Variants in UBE4B observed in about 807,000 individuals in gnomAD.
UBE4B encodes the protein ubiquitin conjugation factor E4 B.
UBE4B carries 27 observed loss-of-function variants against 148.1 expected under a neutral mutation model. The ratio of observed to expected loss-of-function variants is 0.18; its 90% CI spans 0.13 to 0.25. The LOEUF is 0.25. UBE4B is among the 10% of genes least tolerant of loss of function. The probability of loss-of-function intolerance (pLI) is 1.00; values close to 1 mark genes in which losing one functional copy is unlikely to be tolerated. For missense variants in UBE4B, 1,170 were observed against 1,662.4 expected, an observed-to-expected ratio of 0.70 and a Z score of 5.15; for synonymous variants, 596 against 619.3, an observed-to-expected ratio of 0.96 and a Z score of 0.56.
At chr1:10,167,320 T>G (rs1215119172) in intron 23 of UBE4B, among the ~76,000 whole-genome samples, 3 of 150,890 alleles carry the variant, frequency 2.0e-5, no homozygotes, top group Non-Finnish European at 4.4e-5. Flanking sequence ...ATGCCTGTAG[T>G]CCCAGCTACT....
At chr1:10,111,482 T>A (rs1432472740) in intron 7 of UBE4B, among the ~76,000 whole-genome samples, 1 of 152,080 alleles carries the variant, frequency 6.6e-6, no homozygotes, top group Non-Finnish European at 1.5e-5. Flanking sequence ...CCTCATTGTC[T>A]CAAACATTAT....
intron 1 of UBE4B, among the ~76,000 whole-genome samples, chr1:10,056,675 A>ATC (rs1644175798): frequency 6.6e-6 from 1 of 152,198 alleles, no homozygotes; most frequent in Non-Finnish European, 1.5e-5. Context: ...CAGAGAGATA[A>ATC]CCCAGCTGGA....
rs576704285 is a variant in UBE4B, at chr1:10,033,261, G to C, written c.-410G>C. The C allele has an allele frequency of 6.4e-4, 104 of 162,586 alleles. No individual in the cohort carries two copies. Among genetic ancestry groups the C allele is most frequent in the African/African-American group, 2.3e-3 (96 of 42,002 alleles). The allele number at this position is 162,586 out of a possible 1,614,324, so 10.1% of individuals were successfully genotyped here. On this transcript the variant is annotated 5_prime_UTR_variant, in exon 1 of 28. Coordinates refer to ENST00000343090, the MANE Select transcript of UBE4B (RefSeq NM_001105562.3). ...CCAGGAGCAAAGGGTAGGAAGGAGAGCAGGATCTGCTGTAGGAACGCAGCT... is the reference window on the plus strand; with the variant it reads ...CCAGGAGCAAAGGGTAGGAAGGAGACCAGGATCTGCTGTAGGAACGCAGCT...
chr1:10,119,264 C>T (rs190637482), intron 8 of UBE4B, among the ~76,000 whole-genome samples: 2 of 152,174 alleles, frequency 1.3e-5, no homozygotes, highest in African/African-American at 4.8e-5. Flanking sequence ...TGAGCCACCG[C>T]GCCTGGCCTC....
At chr1:10,100,278 C>T (rs1294028740) in intron 3 of UBE4B, among the ~76,000 whole-genome samples, 2 of 151,820 alleles carry the variant, frequency 1.3e-5, no homozygotes, top group African/African-American at 4.8e-5. Flanking sequence ...TGTGAGCCAT[C>T]GTGCCTGGCC....
intron 16 of UBE4B, among the ~76,000 whole-genome samples, chr1:10,136,776 A>G (rs1457524503): frequency 6.6e-6 from 1 of 151,978 alleles, no homozygotes; most frequent in Non-Finnish European, 1.5e-5. Context: ...AAAAGTAGCC[A>G]GGTGTGGTAG....
intron 7 of UBE4B, among the ~76,000 whole-genome samples, chr1:10,109,437 TAC>T (rs1377858474): frequency 2.0e-5 from 3 of 152,188 alleles, no homozygotes; most frequent in African/African-American, 7.2e-5. Flanking sequence ...ACTCCTTAAT[TAC>T]AAAATGCCAT....
intron 1 of UBE4B, among the ~76,000 whole-genome samples, chr1:10,038,772 T>A (rs77985758): frequency 6.6e-6 from 1 of 150,690 alleles, no homozygotes; most frequent in African/African-American, 2.4e-5. Context: ...CCACTCCCAA[T>A]TTTTTTTTTA....
At chr1:10,175,462 T>G (rs7556506) in intron 25 of UBE4B, among the ~76,000 whole-genome samples, 38,480 of 150,586 alleles carry the variant, frequency 0.26, 6,007 homozygotes, top group Non-Finnish European at 0.35. Context: ...CCGTCCTGGC[T>G]AACACGGTGA....
At chr1:10,179,298 A>G (rs1366131086) in intron 26 of UBE4B, 118 bp from the exon 27 acceptor site, 6 of 1,286,168 alleles carry the variant, frequency 4.7e-6, no homozygotes, top group Non-Finnish European at 6.4e-6. Context: ...GGGGCCTCAC[A>G]GGGGCCCTTT....
intron 15 of UBE4B, among the ~76,000 whole-genome samples, chr1:10,133,042 C>T (rs576772642): frequency 1.8e-4 from 27 of 151,962 alleles, no homozygotes; most frequent in Non-Finnish European, 2.9e-4. Flanking sequence ...GCTATGTAGA[C>T]GGACCAAAAC....
rs927898282 is a variant in UBE4B, at chr1:10,179,976, T to G, written c.*20T>G. On this transcript the variant is annotated 3_prime_UTR_variant, in exon 28 of 28. Transcript: ENST00000343090. ...CACTAAACCGTTCCGCCGCCCACCCTCTGCTAGACACAGCCAAGGCCAACG... is the reference window on the plus strand; with the variant it reads ...CACTAAACCGTTCCGCCGCCCACCCGCTGCTAGACACAGCCAAGGCCAACG... The G allele has an allele frequency of 6.2e-7, 1 of 1,613,938 alleles. No homozygotes were observed. The highest frequency in any genetic ancestry group is 8.5e-7 in the Non-Finnish European group (1 of 1,179,998).
intron 1 of UBE4B, among the ~76,000 whole-genome samples, chr1:10,039,061 AAAAC>A (rs1397860711): frequency 7.3e-5 from 11 of 151,690 alleles, no homozygotes; most frequent in African/African-American, 2.2e-4. Context: ...CTCCATCAAA[AAAAC>A]AAACAAACAA....
chr1:10,143,199 T>A (rs1217628336), intron 17 of UBE4B, among the ~76,000 whole-genome samples: 1 of 152,122 alleles, frequency 6.6e-6, no homozygotes, highest in African/African-American at 2.4e-5. Context: ...AGGTCAGAAG[T>A]TCGAGATCAG....
chr1:10,067,200 C>T (rs1194381120), intron 1 of UBE4B, among the ~76,000 whole-genome samples: 2 of 152,038 alleles, frequency 1.3e-5, no homozygotes, highest in South Asian at 2.1e-4. Context: ...TCATCAGGAA[C>T]GTGAGGGTGG....
intron 3 of UBE4B, among the ~76,000 whole-genome samples, chr1:10,096,453 C>G (rs1256790973): frequency 6.6e-6 from 1 of 152,100 alleles, no homozygotes; most frequent in East Asian, 1.9e-4. Flanking sequence ...GAATTAAGTC[C>G]GGGCTCGATG....
In UBE4B at chr1:10,105,606, G is replaced by C; in HGVS notation, c.671G>C (p.Ser224Thr). ...ACCAGAGATGAAAACCCATTTGCCA[G>C]TCTGACAGCCACATCACAGCCAATT... ...TQTRDENPFA[S>T]LTATSQPIAA... The change falls in exon 6 of 28, where the codon AGT (serine) becomes ACT (threonine). Residue 224 changes from serine (S) to threonine (T), a missense_variant. Ser to Thr is a moderately conservative substitution (Grantham distance 58, BLOSUM62 1). Coordinates refer to ENST00000343090, the MANE Select transcript of UBE4B (RefSeq NM_001105562.3). The C allele has an allele frequency of 6.2e-7, 1 of 1,614,208 alleles. No individual in the cohort carries two copies.
At chr1:10,159,009 CAA>C (rs368376272) in intron 22 of UBE4B, among the ~76,000 whole-genome samples, 37 of 68,662 alleles carry the variant, frequency 5.4e-4, no homozygotes, top group Admixed American at 2.1e-3. Context: ...GACTCCGTCT[CAA>C]AAAAAAAAAA....
At chr1:10,069,247 C>T (rs925979653) in intron 1 of UBE4B, among the ~76,000 whole-genome samples, 7 of 152,106 alleles carry the variant, frequency 4.6e-5, no homozygotes, top group African/African-American at 1.4e-4. Flanking sequence ...ATAATGATAA[C>T]GTCAACTAAT....
Sources: allele counts gnomAD v4.1 joint callset (sites outside exome capture counted in the v4.1 genomes callset), GRCh38; gene constraint gnomAD v4.1.1; transcripts MANE v1.5; gene names NCBI Gene and HGNC (gene_info 2026-07-23, HGNC 2026-07-21).